BMP6: variants seen among roughly 807,000 people sequenced by gnomAD.
The protein encoded by BMP6 is bone morphogenetic protein 6.
In BMP6, 17 loss-of-function variants were observed where a neutral mutation model predicts 54.1. That is an observed-to-expected ratio of 0.31 (90% CI 0.22 to 0.47). BMP6 has a LOEUF of 0.47. Ranked by LOEUF, BMP6 falls within the 20% of genes least tolerant of loss-of-function variation. The pLI, the probability that BMP6 is intolerant of heterozygous loss-of-function variation, is 1.00. For missense variants in BMP6, 720 were observed against 690.4 expected (o/e 1.04, Z -0.48); for synonymous variants, 328 against 291.2 (o/e 1.13, Z -1.28).
intron 2 of BMP6, among the ~76,000 whole-genome samples, chr6:7,855,398 C>T (rs963837682): frequency 6.6e-6 from 1 of 151,982 alleles, no homozygotes; most frequent in Admixed American, 6.6e-5. Context: ...GTTAAGCCCC[C>T]GCAGGGGATT....
intron 2 of BMP6, among the ~76,000 whole-genome samples, chr6:7,846,795 C>T (rs938275459): frequency 6.6e-6 from 1 of 152,130 alleles, no homozygotes; most frequent in Non-Finnish European, 1.5e-5. Flanking sequence ...GTTGATACTT[C>T]AGAGATAATT....
chr6:7,862,988 GT>G (rs952535367), intron 4 of BMP6, among the ~76,000 whole-genome samples: 19 of 151,912 alleles, frequency 1.3e-4, no homozygotes, highest in African/African-American at 4.4e-4. Context: ...GAGGTTGAGG[GT>G]TTTTTTGTTG....
chr6:7,779,627 ACT>A (rs1457389571), intron 1 of BMP6, among the ~76,000 whole-genome samples: 3 of 152,218 alleles, frequency 2.0e-5, no homozygotes, highest in African/African-American at 7.2e-5. Context: ...GGCGTGAGCC[ACT>A]GAGCCCAGCC....
chr6:7,813,511 C>T (rs1758472812), intron 1 of BMP6, among the ~76,000 whole-genome samples: 1 of 141,416 alleles, frequency 7.1e-6, no homozygotes, highest in African/African-American at 2.6e-5. Context: ...AGCATGGTGG[C>T]ATGTGCCTGT....
At chr6:7,877,554 C>T (rs1156834846) in intron 4 of BMP6, among the ~76,000 whole-genome samples, 2 of 151,884 alleles carry the variant, frequency 1.3e-5, no homozygotes, top group African/African-American at 4.8e-5. Context: ...ACCCAGGAGG[C>T]AGAGGTTGCA....
At chr6:7,755,303 TTTTA>T (rs1412220348) in intron 1 of BMP6, among the ~76,000 whole-genome samples, 4 of 152,324 alleles carry the variant, frequency 2.6e-5, no homozygotes, top group South Asian at 2.1e-4. Context: ...TTTTTTGTGA[TTTTA>T]TTTTATTTCC....
At chr6:7,773,542 G>A (rs780391070) in intron 1 of BMP6, among the ~76,000 whole-genome samples, 1 of 152,176 alleles carries the variant, frequency 6.6e-6, no homozygotes, top group Non-Finnish European at 1.5e-5. Flanking sequence ...GCTCAGAAAG[G>A]ATATGCAAAT....
intron 4 of BMP6, among the ~76,000 whole-genome samples, 175 bp downstream of exon 4, chr6:7,862,673 A>G (rs1238323652): frequency 6.6e-6 from 1 of 152,142 alleles, no homozygotes; most frequent in Non-Finnish European, 1.5e-5. Flanking sequence ...GTGGGTTCTG[A>G]GGGCCCTCAG....
At chr6:7,854,911 CAA>C (rs942370623) in intron 2 of BMP6, among the ~76,000 whole-genome samples, 3 of 152,144 alleles carry the variant, frequency 2.0e-5, no homozygotes, top group Non-Finnish European at 2.9e-5. Context: ...TTTATGTGGC[CAA>C]AGAGAGCAGA....
At chr6:7,845,446 A>G in intron 2 of BMP6, 114 bp downstream of exon 2, 1 of 946,496 alleles carries the variant, frequency 1.1e-6, no homozygotes. Context: ...CAGGGGCAGC[A>G]TGTGAGTACG....
At chr6:7,780,760 G>A (rs4960356) in intron 1 of BMP6, among the ~76,000 whole-genome samples, 54,089 of 151,398 alleles carry the variant, frequency 0.36, 9,935 homozygotes, top group East Asian at 0.55. Flanking sequence ...TGCCCAGACT[G>A]GAGTGCAGTG....
chr6:7,863,243 C>T (rs1759365292), intron 4 of BMP6, among the ~76,000 whole-genome samples: 1 of 152,148 alleles, frequency 6.6e-6, no homozygotes, highest in Non-Finnish European at 1.5e-5. Flanking sequence ...CGTGATCCAC[C>T]CACCTTGGCC....
chr6:7,739,544 A>G (rs1213270444), intron 1 of BMP6, among the ~76,000 whole-genome samples: 1 of 152,210 alleles, frequency 6.6e-6, no homozygotes, highest in Non-Finnish European at 1.5e-5. Flanking sequence ...TCTTACTTTT[A>G]CAGTAAGAAC....
intron 4 of BMP6, among the ~76,000 whole-genome samples, chr6:7,874,434 G>A (rs1759574542): frequency 6.6e-6 from 1 of 152,092 alleles, no homozygotes; most frequent in Non-Finnish European, 1.5e-5. Context: ...CACTCCCAAG[G>A]CTCCTCTTTT....
rs150479053 is a variant in BMP6, at chr6:7,792,624, G to GTGAA, written c.665-52505_665-52502dup. Among the ~76,000 whole-genome samples, 761 of 152,328 alleles carry GTGAA rather than the reference G, an allele frequency of 5.0e-3. 6 individuals carry two copies. Among genetic ancestry groups the GTGAA allele is most frequent in the African/African-American group, 0.018 (728 of 41,574 alleles). On this transcript the variant is annotated intron_variant, in intron 1 of 6. Coordinates refer to ENST00000283147, the MANE Select transcript of BMP6 (RefSeq NM_001718.6). ...CCCAGATGCGTCTACATATCTGAAA[G>GTGAA]TGAATGAATGAATGTTCTTAGCCTT...
Position 7,845,144 on chromosome 6 carries a change from G to C in BMP6, c.669G>C (p.Glu223Asp). The C allele has an allele frequency of 6.2e-7, 1 of 1,612,598 alleles. No individual in the cohort carries two copies. The highest frequency in any genetic ancestry group is 1.3e-5 in the African/African-American group (1 of 74,990). ...CTCTCTTGTTTAATCTTATAGTGGAGTACGACAAGGAGTTCTCCCCTCGTC... is the reference window on the plus strand; with the variant it reads ...CTCTCTTGTTTAATCTTATAGTGGACTACGACAAGGAGTTCTCCCCTCGTC... The part of the protein sequence containing the change: ...DMVMSFVNLV[E>D]YDKEFSPRQR... The change falls in exon 2 of 7, where the codon GAG becomes GAC. Residue 223 changes from glutamate (E) to aspartate (D), a missense_variant. By Grantham distance (45) the Glu-to-Asp change is conservative. Coordinates refer to ENST00000283147, the MANE Select transcript of BMP6 (RefSeq NM_001718.6).
intron 1 of BMP6, among the ~76,000 whole-genome samples, chr6:7,813,712 A>T (rs1325085668): frequency 1.3e-5 from 2 of 151,000 alleles, no homozygotes; most frequent in Non-Finnish European, 2.9e-5. Context: ...GAAAATTTCT[A>T]TAGATACTCC....
chr6:7,768,570 TG>T (rs1285058999), intron 1 of BMP6, among the ~76,000 whole-genome samples: 2 of 152,218 alleles, frequency 1.3e-5, no homozygotes, highest in African/African-American at 4.8e-5. Context: ...AGCCTCGAAA[TG>T]GCCTCACCTC....
At chr6:7,846,506 T>C (rs1759066619) in intron 2 of BMP6, among the ~76,000 whole-genome samples, 1 of 152,206 alleles carries the variant, frequency 6.6e-6, no homozygotes, top group South Asian at 2.1e-4. Flanking sequence ...TTTAGGTCTG[T>C]AATGGGGAAA....
Sources: gnomAD v4.1 joint callset for allele counts (sites outside exome capture counted in the v4.1 genomes callset) on GRCh38, gnomAD v4.1.1 for gene constraint, MANE v1.5 for transcripts, NCBI Gene and HGNC (gene_info 2026-07-23, HGNC 2026-07-21) for gene names.